MB21D2: variants seen among roughly 807,000 people sequenced by gnomAD.
MB21D2 encodes the protein Mab-21 domain containing 2.
Under a neutral mutation model 33.3 loss-of-function variants are expected in MB21D2, and 9 were observed. The observed-to-expected ratio is 0.27, with a 90% confidence interval of 0.16 to 0.47. The LOEUF (loss-of-function observed/expected upper bound fraction) is 0.47. Among genes scored for constraint, MB21D2 ranks in the 20% least tolerant of loss-of-function variants. The pLI is 0.99. For missense variants in MB21D2, 540 were observed against 624.6 expected (o/e 0.86, Z 1.44); for synonymous variants, 241 against 236.3 (o/e 1.02, Z -0.18).
chr3:192,872,174 G>A (rs1713319080), intron 1 of MB21D2, among the ~76,000 whole-genome samples: 2 of 152,262 alleles, frequency 1.3e-5, no homozygotes, highest in Non-Finnish European at 2.9e-5. Context: ...AAAAGGATTT[G>A]AGGTCGTTTA....
intron 1 of MB21D2, among the ~76,000 whole-genome samples, chr3:192,866,102 A>C (rs1427568117): frequency 2.0e-5 from 3 of 152,176 alleles, no homozygotes; most frequent in South Asian, 4.1e-4. Flanking sequence ...GTAATGATGA[A>C]ATGAACTCAT....
chr3:192,838,229 A>C (rs530838690), intron 1 of MB21D2, among the ~76,000 whole-genome samples: 3 of 152,294 alleles, frequency 2.0e-5, no homozygotes, highest in East Asian at 1.9e-4. Context: ...AAGTGTGCTC[A>C]TGATAGCAGC....
chr3:192,896,884 G>A (rs1441730470), intron 1 of MB21D2, among the ~76,000 whole-genome samples: 1 of 152,196 alleles, frequency 6.6e-6, no homozygotes, highest in African/African-American at 2.4e-5. Context: ...GGAGCAAAGA[G>A]CATGGGATGA....
intron 1 of MB21D2, among the ~76,000 whole-genome samples, chr3:192,813,986 T>C (rs958095593): frequency 5.3e-5 from 8 of 152,198 alleles, no homozygotes; most frequent in Non-Finnish European, 8.8e-5. Context: ...AAGTGCTTAA[T>C]AGCTATTAAT....
chr3:192,857,394 C>T lies in MB21D2; in HGVS notation c.212-57744G>A, dbSNP rs141574996. 1.0e-3 allele frequency among the ~76,000 whole-genome samples: 155 copies of T among 152,284 alleles called. 1 individual carries two copies. The highest frequency in any genetic ancestry group is 2.5e-3 in the African/African-American group (104 of 41,558). On this transcript the variant is annotated intron_variant, in intron 1 of 1. Transcript: ENST00000392452. The stretch of plus-strand genomic sequence containing the variant: ...AAGAACTGCAGTCGTGTCAAGGGAA[C>T]ATTCAAAGTCAGCCAGAATTCATTA...
At chr3:192,842,936 A>G (rs572861515) in intron 1 of MB21D2, among the ~76,000 whole-genome samples, 2 of 152,238 alleles carry the variant, frequency 1.3e-5, no homozygotes, top group East Asian at 3.8e-4. Flanking sequence ...TTTGACTAAC[A>G]GAAGTCTTAA....
chr3:192,801,109 A>C (rs186694451), intron 1 of MB21D2, among the ~76,000 whole-genome samples: 24 of 152,356 alleles, frequency 1.6e-4, no homozygotes, highest in African/African-American at 3.8e-4. Flanking sequence ...AATTCAAGCT[A>C]TGACTAAATG....
chr3:192,910,247 C>A (rs765352210), intron 1 of MB21D2, among the ~76,000 whole-genome samples: 8 of 144,006 alleles, frequency 5.6e-5, no homozygotes, highest in Non-Finnish European at 9.0e-5. Context: ...GGGAGAATCA[C>A]TTGAGCCCAA....
intron 1 of MB21D2, among the ~76,000 whole-genome samples, chr3:192,824,253 T>C (rs1045984820): frequency 6.6e-6 from 1 of 152,096 alleles, no homozygotes. Flanking sequence ...AAAAAATAAA[T>C]TGCTCAAGTA....
intron 1 of MB21D2, among the ~76,000 whole-genome samples, chr3:192,908,058 T>C (rs1158743511): frequency 6.6e-6 from 1 of 152,120 alleles, no homozygotes; most frequent in Non-Finnish European, 1.5e-5. Flanking sequence ...GTAGAAAAAC[T>C]TGCCCTACAT....
intron 1 of MB21D2, among the ~76,000 whole-genome samples, chr3:192,878,940 G>T (rs1314525712): frequency 6.6e-6 from 1 of 152,136 alleles, no homozygotes; most frequent in African/African-American, 2.4e-5. Context: ...CTCCAGCCTG[G>T]GCTATGGAGG....
chr3:192,912,546 G>T (rs1344639704), intron 1 of MB21D2, among the ~76,000 whole-genome samples: 1 of 151,990 alleles, frequency 6.6e-6, no homozygotes, highest in Admixed American at 6.6e-5. Flanking sequence ...GGTAGCGGGC[G>T]CCTGTAATCC....
Position 192,864,342 on chromosome 3 carries a change from G to C in MB21D2, c.211+53288C>G, listed in dbSNP as rs528967703. On this transcript the variant is annotated intron_variant, in intron 1 of 1. Transcript: ENST00000392452. ...TGTGTGAACTGGTCCAGGAAACCCC[G>C]CAGGTGCTCAGACAGTCCTCTTTTT... Among the ~76,000 whole-genome samples the C allele has an allele frequency of 2.0e-5, 3 of 152,118 alleles. No homozygotes were observed. In the East Asian group the frequency reaches 5.8e-4, roughly 29 times the overall value.
chr3:192,874,101 G>A (rs564219114), intron 1 of MB21D2, among the ~76,000 whole-genome samples: 4 of 152,276 alleles, frequency 2.6e-5, no homozygotes, highest in South Asian at 2.1e-4. Flanking sequence ...GACCAAAGAC[G>A]GGTACAAGAG....
intron 1 of MB21D2, among the ~76,000 whole-genome samples, chr3:192,890,650 G>A (rs1043079352): frequency 6.6e-6 from 1 of 151,554 alleles, no homozygotes. Flanking sequence ...TCCCGACTGT[G>A]CAGGTACAAA....
chr3:192,809,761 A>G lies in MB21D2; in HGVS notation c.212-10111T>C, dbSNP rs549974715. 3.9e-5 allele frequency among the ~76,000 whole-genome samples: 6 copies of G among 152,356 alleles called. No individual in the cohort carries two copies. The South Asian group carries it at 1.2e-3, about 32-fold the overall frequency. ...AAGAGACGATTATAGATGACATTAT[A>G]AAAAGATACTTAGTGCTGAGACACA... On this transcript the variant is annotated intron_variant, in intron 1 of 1. Transcript: ENST00000392452.
chr3:192,800,833 C>A (rs1173723828), intron 1 of MB21D2, among the ~76,000 whole-genome samples: 1 of 152,124 alleles, frequency 6.6e-6, no homozygotes, highest in Non-Finnish European at 1.5e-5. Context: ...TAGACATTTT[C>A]TTCAGAAATG....
At chr3:192,813,257 C>T (rs769350348) in intron 1 of MB21D2, among the ~76,000 whole-genome samples, 3 of 151,284 alleles carry the variant, frequency 2.0e-5, no homozygotes, top group Non-Finnish European at 4.4e-5. Flanking sequence ...TATTCAGGAG[C>T]TCTTTGCAAG....
At chr3:192,821,962 A>G (rs1204461580) in intron 1 of MB21D2, among the ~76,000 whole-genome samples, 4 of 152,156 alleles carry the variant, frequency 2.6e-5, no homozygotes, top group Non-Finnish European at 5.9e-5. Flanking sequence ...ACCCAAGATA[A>G]TAGGATGAGT....
Sources: allele counts gnomAD v4.1 joint callset (sites outside exome capture counted in the v4.1 genomes callset), GRCh38; gene constraint gnomAD v4.1.1; transcripts MANE v1.5; gene names NCBI Gene and HGNC (gene_info 2026-07-23, HGNC 2026-07-21).